The following PFKFB3 variants were observed in gnomAD, a reference collection of about 807,000 sequenced individuals.
PFKFB3 encodes 6-phosphofructo-2-kinase/fructose-2,6-biphosphatase 3, also known as 6-phosphofructo-2-kinase/fructose-2,6-bisphosphatase 3.
PFKFB3 carries 33 observed loss-of-function variants against 68.0 expected under a neutral mutation model. That is an observed-to-expected ratio of 0.49 (90% CI 0.37 to 0.65). The LOEUF is 0.65. Ranked by LOEUF, PFKFB3 falls within the 30% of genes least tolerant of loss-of-function variation. The pLI is 0.00. For synonymous variants in PFKFB3, 315 were observed against 288.2 expected (o/e 1.09, Z -0.94); for missense variants, 586 against 712.2 (o/e 0.82, Z 2.02).
intron 1 of PFKFB3, among the ~76,000 whole-genome samples, chr10:6,188,865 C>T (rs1042212920): frequency 1.4e-5 from 2 of 140,300 alleles, no homozygotes; most frequent in Non-Finnish European, 3.0e-5. Flanking sequence ...GACGGAGTCT[C>T]GCTCTGTCCC....
At chr10:6,195,457 A>G (rs1393588992) in intron 1 of PFKFB3, among the ~76,000 whole-genome samples, 3 of 152,242 alleles carry the variant, frequency 2.0e-5, no homozygotes, top group Admixed American at 2.0e-4. Context: ...GCTAAGCATG[A>G]AAACAAGCAA....
chr10:6,294,359 G>A, the PFKFB3 span: 2 of 353,386 alleles, frequency 5.7e-6, no homozygotes, highest in South Asian at 2.3e-5. Context: ...GTTCCACATG[G>A]CTGGAGAGGC....
intron 1 of PFKFB3, among the ~76,000 whole-genome samples, chr10:6,163,610 C>T (rs1842029071): frequency 1.3e-5 from 2 of 152,166 alleles, no homozygotes; most frequent in South Asian, 4.1e-4. Context: ...CCCGCGCCTG[C>T]TTCCTCCCAG....
At chr10:6,268,729 G>A in the PFKFB3 span, among the ~76,000 whole-genome samples, 1 of 150,568 alleles carries the variant, frequency 6.6e-6, no homozygotes, top group African/African-American at 2.4e-5. Context: ...CAAACATAAA[G>A]AGGTTAAAGA....
At chr10:6,250,336 C>T (rs112999570) in intron 14 of PFKFB3, among the ~76,000 whole-genome samples, 30 of 151,980 alleles carry the variant, frequency 2.0e-4, no homozygotes, top group African/African-American at 6.5e-4. Flanking sequence ...GAGGCCGAGG[C>T]GGGCAGATCA....
At chr10:6,226,065 G>C in intron 13 of PFKFB3, 127 bp from the exon 14 acceptor site, 1 of 822,676 alleles carries the variant, frequency 1.2e-6, no homozygotes, top group Admixed American at 2.7e-5. Context: ...CCGTGGTCCC[G>C]GCCACTCCCC....
chr10:6,210,137 G>T (rs1844075554), intron 1 of PFKFB3, among the ~76,000 whole-genome samples: 1 of 119,194 alleles, frequency 8.4e-6, no homozygotes, highest in Middle Eastern at 3.7e-3. Flanking sequence ...TGGTAAAAAG[G>T]CCCATTGAGA....
chr10:6,266,931 G>GT, the PFKFB3 span, among the ~76,000 whole-genome samples: 1 of 152,214 alleles, frequency 6.6e-6, no homozygotes, highest in African/African-American at 2.4e-5. Flanking sequence ...CATTGACAGC[G>GT]TAACGCAAGA....
chr10:6,221,519 A>C lies in PFKFB3; in HGVS notation c.970A>C (p.Ile324Leu), dbSNP rs751938866. 6.2e-7 allele frequency: 1 copy of C among 1,613,154 alleles called. No homozygotes were observed. The highest frequency in any genetic ancestry group is 1.1e-5 in the South Asian group (1 of 91,066). The stretch of plus-strand genomic sequence containing the variant: ...CGAGCAGTGGAAGGCGCTCAATGAG[A>C]TCGACGCGGTGAGTCCTGGGAGGCG... ...PYEQWKALNE[I>L]DAGVCEELTY... Residue 324 changes from isoleucine (I) to leucine (L), a missense_variant, in exon 9 of 15, where the codon ATC becomes CTC. Ile to Leu is a conservative substitution (Grantham distance 5). Coordinates refer to ENST00000379775, the MANE Select transcript of PFKFB3 (RefSeq NM_004566.4).
At position 6,221,636 on chromosome 10, in the gene PFKFB3, C is replaced by T. The variant is rs377010102; in HGVS notation, c.979-5C>T. On this transcript the variant is annotated splice_region_variant and splice_polypyrimidine_tract_variant and intron_variant, in intron 9 of 14. Transcript: ENST00000379775. ...TTCCCCTGAGTGACCACTGGGTCCC[C>T]GCAGGGCGTCTGTGAGGAGCTGACC... is the stretch of plus-strand genomic sequence containing the variant. The T allele has an allele frequency of 6.4e-5, 103 of 1,609,960 alleles. No homozygotes were observed. Among genetic ancestry groups the T allele is most frequent in the East Asian group, 3.4e-4 (15 of 44,728 alleles).
chr10:6,318,552 C>T, the PFKFB3 span, among the ~76,000 whole-genome samples: 1 of 152,216 alleles, frequency 6.6e-6, no homozygotes, highest in Non-Finnish European at 1.5e-5. Flanking sequence ...CCCACCTCTG[C>T]CAATATCCAT....
At chr10:6,206,916 G>T (rs201360798) in intron 1 of PFKFB3, among the ~76,000 whole-genome samples, 1 of 139,038 alleles carries the variant, frequency 7.2e-6, no homozygotes, top group South Asian at 2.4e-4. Context: ...CATCCCAGAC[G>T]ATGGGCGGCC....
chr10:6,150,249 G>T (rs929745945), intron 1 of PFKFB3, among the ~76,000 whole-genome samples: 7 of 152,206 alleles, frequency 4.6e-5, no homozygotes, highest in Non-Finnish European at 8.8e-5. Flanking sequence ...GGACCTGGTG[G>T]TAGCAAGTGT....
Position 6,226,218 on chromosome 10 carries a change from C to T in PFKFB3, c.1368C>T (p.Leu456=), listed in dbSNP as rs1434146965. The T allele has an allele frequency of 6.8e-6, 11 of 1,611,048 alleles. No individual in the cohort carries two copies. Among genetic ancestry groups the T allele is most frequent in the Non-Finnish European group, 9.3e-6 (11 of 1,178,682 alleles). The change falls in exon 14 of 15, where the codon CTC becomes CTT. Residue 456 remains leucine (L), a synonymous_variant. Coordinates refer to ENST00000379775, the MANE Select transcript of PFKFB3 (RefSeq NM_004566.4). ...SEDAKKGPNP[L]MRRNSVTPLA... Reference sequence around the variant, plus strand: ...ATGCAAAGAAGGGACCTAACCCGCTCATGAGACGCAATAGTGTCACCCCGC... The same window carrying T: ...ATGCAAAGAAGGGACCTAACCCGCTTATGAGACGCAATAGTGTCACCCCGC...
the PFKFB3 span, among the ~76,000 whole-genome samples, chr10:6,281,294 GT>G: frequency 6.6e-6 from 1 of 151,258 alleles, no homozygotes; most frequent in Non-Finnish European, 1.5e-5. Flanking sequence ...GTTCCTGAAA[GT>G]TTGGGATTGT....
At chr10:6,319,717 A>T in the PFKFB3 span, among the ~76,000 whole-genome samples, 1 of 152,108 alleles carries the variant, frequency 6.6e-6, no homozygotes, top group Non-Finnish European at 1.5e-5. Flanking sequence ...TATAAAAATT[A>T]AAAAATGGAC....
chr10:6,303,647 T>C, the PFKFB3 span, among the ~76,000 whole-genome samples: 1 of 151,632 alleles, frequency 6.6e-6, no homozygotes, highest in African/African-American at 2.4e-5. Context: ...ACCCCATCTC[T>C]ACAAAAAATA....
At chr10:6,196,531 G>T (rs1373889329) in intron 1 of PFKFB3, among the ~76,000 whole-genome samples, 1 of 152,134 alleles carries the variant, frequency 6.6e-6, no homozygotes, top group Non-Finnish European at 1.5e-5. Context: ...TGTGGTCAAA[G>T]GTCCAAGAGT....
chr10:6,317,794 G>A, the PFKFB3 span, among the ~76,000 whole-genome samples: 10 of 152,316 alleles, frequency 6.6e-5, no homozygotes, highest in South Asian at 2.1e-3. Flanking sequence ...GGCTGAGGGT[G>A]GAAAGGCTGA....
Sources: gnomAD v4.1 joint callset for allele counts (sites outside exome capture counted in the v4.1 genomes callset) on GRCh38, gnomAD v4.1.1 for gene constraint, MANE v1.5 for transcripts, NCBI Gene and HGNC (gene_info 2026-07-23, HGNC 2026-07-21) for gene names.